Variants in MVB12B observed in about 807,000 individuals in gnomAD.
MVB12B encodes the protein ESCRT-I complex subunit MVB12B.
MVB12B carries 16 observed loss-of-function variants against 41.6 expected under a neutral mutation model. The observed-to-expected ratio is 0.38, with a 90% CI of 0.26 to 0.58. The LOEUF (loss-of-function observed/expected upper bound fraction) is 0.58. Among genes scored for constraint, MVB12B ranks in the 20% least tolerant of loss-of-function variants. The pLI, the probability that MVB12B is intolerant of heterozygous loss-of-function variation, is 0.62. For missense variants in MVB12B, 274 were observed against 380.2 expected, an observed-to-expected ratio of 0.72 and a Z score of 2.32; for synonymous variants, 133 against 139.7, an observed-to-expected ratio of 0.95 and a Z score of 0.34.
At chr9:126,377,874 G>A (rs1830524065) in intron 2 of MVB12B, among the ~76,000 whole-genome samples, 1 of 152,234 alleles carries the variant, frequency 6.6e-6, no homozygotes, top group Non-Finnish European at 1.5e-5. Flanking sequence ...TTGGTTCGCT[G>A]TCAGAGCAGA....
At chr9:126,406,067 C>T (rs1831413925) in intron 6 of MVB12B, among the ~76,000 whole-genome samples, 1 of 149,714 alleles carries the variant, frequency 6.7e-6, no homozygotes, top group South Asian at 2.1e-4. Flanking sequence ...TTTTTTGAGA[C>T]GAAGTCTTGC....
chr9:126,445,558 C>T (rs997533506), intron 7 of MVB12B, among the ~76,000 whole-genome samples: 1 of 152,236 alleles, frequency 6.6e-6, no homozygotes, highest in Non-Finnish European at 1.5e-5. Context: ...CCCCCTCGGC[C>T]TCCCAACGTG....
chr9:126,413,884 C>T (rs1054781173), intron 6 of MVB12B, among the ~76,000 whole-genome samples: 4 of 145,076 alleles, frequency 2.8e-5, no homozygotes, highest in African/African-American at 1.0e-4. Context: ...GTGGCAGGTG[C>T]CTCTGACTAT....
chr9:126,459,117 A>T lies in MVB12B; in HGVS notation c.758-22252A>T, dbSNP rs1833040119. On this transcript the variant is annotated intron_variant, in intron 7 of 9. Coordinates refer to ENST00000361171, the MANE Select transcript of MVB12B (RefSeq NM_033446.3). The surrounding 1 kb of genome is among the most constrained non-coding windows in gnomAD (Gnocchi z 4.3). Reference sequence around the variant, plus strand: ...TCACAGCAGGTCTGGACCTAAGAGAACCCCCAGGTTGGGTTACATACTAAG... The same window carrying T: ...TCACAGCAGGTCTGGACCTAAGAGATCCCCCAGGTTGGGTTACATACTAAG... Among the ~76,000 whole-genome samples, 1 of 152,086 alleles carries T rather than the reference A, an allele frequency of 6.6e-6. No individual in the cohort carries two copies. The highest frequency in any genetic ancestry group is 2.1e-4 in the South Asian group (1 of 4,822).
At chr9:126,348,728 C>CT (rs549610926) in intron 2 of MVB12B, among the ~76,000 whole-genome samples, 23 of 152,026 alleles carry the variant, frequency 1.5e-4, no homozygotes, top group African/African-American at 4.6e-4. Flanking sequence ...ATTTTTCTTT[C>CT]TTTTTTTTCA....
At chr9:126,448,694 G>C (rs144293693) in intron 7 of MVB12B, among the ~76,000 whole-genome samples, 2 of 152,088 alleles carry the variant, frequency 1.3e-5, no homozygotes, top group East Asian at 3.9e-4. Flanking sequence ...GAAAGAGAAG[G>C]GGGAGGTCCC....
intron 7 of MVB12B, among the ~76,000 whole-genome samples, chr9:126,450,656 G>A (rs1832871641): frequency 6.6e-6 from 1 of 152,186 alleles, no homozygotes; most frequent in Admixed American, 6.5e-5. Flanking sequence ...CATTTATAGA[G>A]TGCTTCACCC....
intron 1 of MVB12B, among the ~76,000 whole-genome samples, chr9:126,335,645 G>T (rs921049176): frequency 3.9e-5 from 6 of 152,236 alleles, no homozygotes; most frequent in Non-Finnish European, 8.8e-5. Context: ...TTTCTATGAA[G>T]GCCGGAGCAG....
chr9:126,481,759 G>A (rs1197975968), intron 8 of MVB12B, among the ~76,000 whole-genome samples: 1 of 152,220 alleles, frequency 6.6e-6, no homozygotes, highest in African/African-American at 2.4e-5. Flanking sequence ...CTGAGCCTTT[G>A]CCATGCCGCA....
rs918835275 is a variant in MVB12B, at chr9:126,436,523, C to T, written c.757+14575C>T. Reference sequence around the variant, plus strand: ...ACTTAGTATAAAAGTGAAAAGGTTACGTGTACTAGTTTGAGTATACCTATG... The same window carrying T: ...ACTTAGTATAAAAGTGAAAAGGTTATGTGTACTAGTTTGAGTATACCTATG... On this transcript the variant is annotated intron_variant, in intron 7 of 9. Transcript: ENST00000361171. This position sits in a 1 kb window ranked among gnomAD's most constrained non-coding sequence, Gnocchi z 4.1. 2.6e-5 allele frequency among the ~76,000 whole-genome samples: 4 copies of T among 152,310 alleles called. No individual in the cohort carries two copies. The highest frequency in any genetic ancestry group is 4.1e-4 in the South Asian group (2 of 4,834).
chr9:126,493,555 G>A (rs1020952764), intron 9 of MVB12B, among the ~76,000 whole-genome samples: 7 of 152,074 alleles, frequency 4.6e-5, no homozygotes, highest in African/African-American at 9.7e-5. Context: ...TCTTGGGGGC[G>A]AAGGAAGTTC....
chr9:126,388,436 A>G (rs1184281503), intron 4 of MVB12B, among the ~76,000 whole-genome samples: 1 of 152,220 alleles, frequency 6.6e-6, no homozygotes, highest in Non-Finnish European at 1.5e-5. Flanking sequence ...TTATCCATTC[A>G]ACTGATGGAT....
Position 126,453,548 on chromosome 9 carries a change from C to A in MVB12B, c.758-27821C>A, listed in dbSNP as rs540159738. 2.6e-5 allele frequency among the ~76,000 whole-genome samples: 4 copies of A among 152,336 alleles called. No homozygotes were observed. The South Asian group carries it at 8.3e-4, about 32-fold the overall frequency. On this transcript the variant is annotated intron_variant, in intron 7 of 9. Transcript: ENST00000361171. The stretch of plus-strand genomic sequence containing the variant: ...GCCAACAGCAGTGGCCTGTGTATCA[C>A]CGGCTGCTTCCTGGAAGAGGTGTTC...
At chr9:126,383,335 A>G (rs1270317961) in intron 3 of MVB12B, among the ~76,000 whole-genome samples, 2 of 152,222 alleles carry the variant, frequency 1.3e-5, no homozygotes, top group East Asian at 1.9e-4. Context: ...CAATAATGCT[A>G]TTAATACAGA....
Position 126,436,053 on chromosome 9 carries a change from T to A in MVB12B, c.757+14105T>A, listed in dbSNP as rs1399719061. Reference sequence around the variant, plus strand: ...TCATTTTTGCAGATAATTAAATGGTTCAGTTGGCACAGTATGTCTACTTTA... The same window carrying A: ...TCATTTTTGCAGATAATTAAATGGTACAGTTGGCACAGTATGTCTACTTTA... On this transcript the variant is annotated intron_variant, in intron 7 of 9. Transcript: ENST00000361171. The surrounding 1 kb of genome is among the most constrained non-coding windows in gnomAD (Gnocchi z 4.1). 6.6e-6 allele frequency among the ~76,000 whole-genome samples: 1 copy of A among 152,272 alleles called. No homozygotes were observed. Among genetic ancestry groups the A allele is most frequent in the Admixed American group, 6.5e-5 (1 of 15,292 alleles).
chr9:126,470,646 CTGTGTGTGTG>C (rs143928729), intron 7 of MVB12B, among the ~76,000 whole-genome samples: 9 of 143,512 alleles, frequency 6.3e-5, no homozygotes, highest in African/African-American at 1.0e-4. Flanking sequence ...AGTCAGTGCT[CTGTGTGTGTG>C]TGTGTGTGTG....
chr9:126,371,756 C>T (rs753424091), intron 2 of MVB12B, among the ~76,000 whole-genome samples: 28 of 152,104 alleles, frequency 1.8e-4, no homozygotes, highest in South Asian at 6.2e-4. Context: ...AAAAATATTC[C>T]GTGAATAAGA....
At chr9:126,344,442 C>T (rs1054959454) in intron 2 of MVB12B, among the ~76,000 whole-genome samples, 4 of 152,232 alleles carry the variant, frequency 2.6e-5, no homozygotes, top group African/African-American at 9.7e-5. Flanking sequence ...GTGTTGGAGC[C>T]TTTCGCAGGA....
chr9:126,483,885 T>G (rs1036306101), intron 8 of MVB12B, 88 bp from the exon 9 acceptor site: 5 of 1,355,048 alleles, frequency 3.7e-6, no homozygotes, highest in Non-Finnish European at 5.3e-6. Context: ...CACCGTGGCT[T>G]GAGGTGTTAC....
Sources: allele counts gnomAD v4.1 joint callset (sites outside exome capture counted in the v4.1 genomes callset), GRCh38; gene constraint gnomAD v4.1.1; non-coding constraint Gnocchi (gnomAD v3.1); transcripts MANE v1.5; gene names NCBI Gene and HGNC (gene_info 2026-07-23, HGNC 2026-07-21).